BABAM2: variants seen among roughly 807,000 people sequenced by gnomAD.
BABAM2 encodes the protein BRISC and BRCA1-A complex member 2.
A neutral mutation model predicts 54.7 loss-of-function variants in BABAM2; 31 were observed. The observed-to-expected ratio is 0.57, with a 90% confidence interval of 0.43 to 0.77. The LOEUF (loss-of-function observed/expected upper bound fraction) is 0.77, where lower values mean the gene tolerates loss of function less well. Among genes scored for constraint, BABAM2 ranks in the 30% least tolerant of loss-of-function variants. The pLI, the probability that BABAM2 is intolerant of heterozygous loss-of-function variation, is 0.00. For synonymous variants in BABAM2, 167 were observed against 162.9 expected, an observed-to-expected ratio of 1.03 and a Z score of -0.19; for missense variants, 364 against 455.8, an observed-to-expected ratio of 0.80 and a Z score of 1.83.
intron 11 of BABAM2, among the ~76,000 whole-genome samples, chr2:28,336,311 G>A (rs1691463752): frequency 6.6e-6 from 1 of 152,182 alleles, no homozygotes; most frequent in Non-Finnish European, 1.5e-5. Context: ...GGAAACTGAA[G>A]GTTCTGTTAC....
intron 5 of BABAM2, among the ~76,000 whole-genome samples, chr2:28,031,635 T>C (rs1676297472): frequency 2.0e-5 from 3 of 152,168 alleles, no homozygotes. Context: ...GTTTAATCTG[T>C]ATCTCTAAAA....
At chr2:27,960,192 C>T (rs898677193) in intron 3 of BABAM2, among the ~76,000 whole-genome samples, 9 of 152,074 alleles carry the variant, frequency 5.9e-5, no homozygotes, top group Non-Finnish European at 1.2e-4. Flanking sequence ...AGTTATTTGA[C>T]AGTAGAAAGT....
At chr2:28,189,781 G>A (rs950905231) in intron 7 of BABAM2, among the ~76,000 whole-genome samples, 4 of 151,590 alleles carry the variant, frequency 2.6e-5, no homozygotes, top group Non-Finnish European at 4.4e-5. Flanking sequence ...TTGACAAGCC[G>A]ATTCTAAAAT....
At chr2:28,101,579 G>A (rs1194025015) in intron 6 of BABAM2, among the ~76,000 whole-genome samples, 1 of 152,134 alleles carries the variant, frequency 6.6e-6, no homozygotes, top group Non-Finnish European at 1.5e-5. Flanking sequence ...CTCACCTGTG[G>A]TTGTCCTATC....
chr2:28,191,151 A>C (rs1676863515), intron 7 of BABAM2, among the ~76,000 whole-genome samples: 1 of 152,214 alleles, frequency 6.6e-6, no homozygotes, highest in South Asian at 2.1e-4. Context: ...TAGGCAAAAG[A>C]TTTGAACAAA....
chr2:28,259,588 T>A (rs1684314680), intron 10 of BABAM2, among the ~76,000 whole-genome samples: 1 of 152,246 alleles, frequency 6.6e-6, no homozygotes, highest in African/African-American at 2.4e-5. Flanking sequence ...ATTTTAATTC[T>A]GATGAAGTCA....
intron 10 of BABAM2, among the ~76,000 whole-genome samples, chr2:28,290,249 G>C (rs1295916992): frequency 1.3e-5 from 2 of 152,176 alleles, no homozygotes; most frequent in African/African-American, 4.8e-5. Context: ...AGACATTTAA[G>C]ATGTTTCCAG....
intron 10 of BABAM2, among the ~76,000 whole-genome samples, chr2:28,279,906 T>A (rs919900793): frequency 6.6e-6 from 1 of 151,960 alleles, no homozygotes; most frequent in Non-Finnish European, 1.5e-5. Flanking sequence ...CCTCAGGTGA[T>A]CTGCCTGCCT....
chr2:27,995,294 A>G lies in BABAM2; in HGVS notation c.300+7207A>G, dbSNP rs1673062255. On this transcript the variant is annotated intron_variant, in intron 4 of 11. Transcript: ENST00000379624. The surrounding 1 kb of genome is among the most constrained non-coding windows in gnomAD (Gnocchi z 4.1). ...AGGTCTTCTGCATGGCTCTGGCAGC[A>G]CCGTGGGAGCAAGGAGGAAAGTACA... Among the ~76,000 whole-genome samples, 1 of 152,096 alleles carries G rather than the reference A, an allele frequency of 6.6e-6. No homozygotes were observed. The highest frequency in any genetic ancestry group is 6.6e-5 in the Admixed American group (1 of 15,258).
At chr2:27,963,406 G>T (rs1670609761) in intron 3 of BABAM2, among the ~76,000 whole-genome samples, 1 of 148,148 alleles carries the variant, frequency 6.8e-6, no homozygotes. Context: ...GGAGGCAGAG[G>T]TTGCGGTGAG....
chr2:28,317,893 A>G (rs1008313644), intron 11 of BABAM2, among the ~76,000 whole-genome samples: 4 of 152,236 alleles, frequency 2.6e-5, no homozygotes, highest in African/African-American at 7.2e-5. Context: ...CACTAGCAGC[A>G]TACACTTAAG....
chr2:28,052,627 C>G (rs116096612), intron 6 of BABAM2, among the ~76,000 whole-genome samples: 3 of 152,126 alleles, frequency 2.0e-5, no homozygotes, highest in African/African-American at 7.2e-5. Flanking sequence ...TGTTTTAATT[C>G]GTGATATGCT....
chr2:28,265,531 C>T (rs928068447), intron 10 of BABAM2, among the ~76,000 whole-genome samples: 1 of 152,164 alleles, frequency 6.6e-6, no homozygotes, highest in Non-Finnish European at 1.5e-5. Flanking sequence ...CAGTAGTCCC[C>T]TCTCCATGAC....
intron 6 of BABAM2, among the ~76,000 whole-genome samples, chr2:28,094,249 C>A (rs745673356): frequency 2.0e-5 from 3 of 152,088 alleles, no homozygotes; most frequent in Non-Finnish European, 2.9e-5. Flanking sequence ...TTTATGGTCA[C>A]TACAATAAAT....
In BABAM2 at chr2:28,052,964, G is replaced by T. The variant is rs149271622; in HGVS notation, c.570+7165G>T. On this transcript the variant is annotated intron_variant, in intron 6 of 11. Coordinates refer to ENST00000379624, the MANE Select transcript of BABAM2 (RefSeq NM_199191.3). The stretch of plus-strand genomic sequence containing the variant: ...TTTTTTGTGGATGAATTCTTGCATT[G>T]TCTTTTACTATTTGGAAATGCTTGA... Among the ~76,000 whole-genome samples, 11 of 152,196 alleles carry T rather than the reference G, an allele frequency of 7.2e-5. No individual in the cohort carries two copies. The East Asian group carries it at 2.1e-3, about 29-fold the overall frequency.
chr2:28,176,079 TTC>T, intron 7 of BABAM2, among the ~76,000 whole-genome samples: 1 of 152,192 alleles, frequency 6.6e-6, no homozygotes, highest in African/African-American at 2.4e-5. Flanking sequence ...GGAAAAAGTC[TTC>T]CCTTATGAAA....
chr2:28,254,106 G>A (rs1417480976), intron 10 of BABAM2, among the ~76,000 whole-genome samples: 1 of 152,210 alleles, frequency 6.6e-6, no homozygotes, highest in Non-Finnish European at 1.5e-5. Flanking sequence ...CTGAGAAAGA[G>A]GTGATTTAGA....
rs117204721 is a variant in BABAM2 at position 28,012,639 on chromosome 2, G to A, written c.301-12587G>A. ...TGTTAGTCACTCTAGTACTCTTCAC[G>A]GTGCTTATGTTCAATAATTTCAGTG... On this transcript the variant is annotated intron_variant, in intron 4 of 11. Transcript: ENST00000379624. Among the ~76,000 whole-genome samples, 5 of 152,200 alleles carry A rather than the reference G, an allele frequency of 3.3e-5. No homozygotes were observed. In the East Asian group the frequency reaches 5.8e-4, roughly 18 times the overall value.
At chr2:28,077,666 C>T (rs987326633) in intron 6 of BABAM2, among the ~76,000 whole-genome samples, 5 of 151,980 alleles carry the variant, frequency 3.3e-5, no homozygotes, top group Admixed American at 3.3e-4. Flanking sequence ...CTAGCAATAC[C>T]ATGTTTGATC....
Sources: allele counts gnomAD v4.1 joint callset (sites outside exome capture counted in the v4.1 genomes callset), GRCh38; gene constraint gnomAD v4.1.1; non-coding constraint Gnocchi (gnomAD v3.1); transcripts MANE v1.5; gene names NCBI Gene and HGNC (gene_info 2026-07-23, HGNC 2026-07-21).